Variants in XKR9 observed in about 807,000 individuals in gnomAD.
XKR9 encodes the protein XK related 9, also known as XK-related protein 9.
Under a neutral mutation model 32.0 loss-of-function variants are expected in XKR9, and 32 were observed. That is an observed-to-expected ratio of 1.00 (90% CI 0.76 to 1.34). XKR9 has a LOEUF of 1.34. Ranked by LOEUF, XKR9 falls within the 40% of genes most tolerant of loss-of-function variation. The pLI is 0.00. For synonymous variants in XKR9, 168 were observed against 143.4 expected (o/e 1.17, Z -1.22); for missense variants, 546 against 429.7 (o/e 1.27, Z -2.39).
chr8:71,030,024 G>A, the XKR9 span, among the ~76,000 whole-genome samples: 2 of 151,718 alleles, frequency 1.3e-5, no homozygotes, highest in Admixed American at 1.3e-4. Flanking sequence ...AGATGTCTTG[G>A]TAATGTATAA....
the XKR9 span, among the ~76,000 whole-genome samples, chr8:70,888,347 G>T: frequency 6.6e-6 from 1 of 151,310 alleles, no homozygotes; most frequent in Non-Finnish European, 1.5e-5. Context: ...TTATATTTTG[G>T]ATATGAATTC....
At chr8:70,857,966 C>G in the XKR9 span, among the ~76,000 whole-genome samples, 1 of 152,270 alleles carries the variant, frequency 6.6e-6, no homozygotes, top group Non-Finnish European at 1.5e-5. Flanking sequence ...GGACGCATCT[C>G]AAAATAACAA....
chr8:70,725,980 T>C (rs142931575), intron 4 of XKR9, among the ~76,000 whole-genome samples: 6 of 152,300 alleles, frequency 3.9e-5, no homozygotes, highest in African/African-American at 1.4e-4. Context: ...AAACTACAAA[T>C]GGATTTTACA....
At chr8:70,794,372 G>A (rs1052976038), downstream of XKR9, among the ~76,000 whole-genome samples, 1 of 151,946 alleles carries the variant, frequency 6.6e-6, no homozygotes, top group Non-Finnish European at 1.5e-5. Flanking sequence ...ACCTTGGCTA[G>A]GATTTCCAGT....
At chr8:70,792,660 G>T (rs751642860), downstream of XKR9, among the ~76,000 whole-genome samples, 1 of 152,122 alleles carries the variant, frequency 6.6e-6, no homozygotes, top group Non-Finnish European at 1.5e-5. Context: ...AAAGAGATGG[G>T]TGTGGGGGCA....
At chr8:71,044,810 T>C in the XKR9 span, among the ~76,000 whole-genome samples, 10 of 152,230 alleles carry the variant, frequency 6.6e-5, no homozygotes, top group Non-Finnish European at 1.2e-4. Context: ...TAGGCATGTA[T>C]GTAAATAACA....
intron 4 of XKR9, among the ~76,000 whole-genome samples, chr8:70,725,079 G>T (rs1365780284): frequency 1.3e-5 from 2 of 152,120 alleles, no homozygotes; most frequent in Non-Finnish European, 2.9e-5. Flanking sequence ...CAAAGTGAAG[G>T]CAGAGGCCCT....
At chr8:71,004,637 A>G in the XKR9 span, among the ~76,000 whole-genome samples, 1 of 152,212 alleles carries the variant, frequency 6.6e-6, no homozygotes, top group African/African-American at 2.4e-5. Context: ...GGCTATCTCT[A>G]AACGTGCCAT....
the XKR9 span, among the ~76,000 whole-genome samples, chr8:70,868,926 T>C: frequency 6.6e-6 from 1 of 152,142 alleles, no homozygotes; most frequent in Non-Finnish European, 1.5e-5. Flanking sequence ...CTAAATCACC[T>C]CTCTCAAGTT....
At chr8:70,947,891 G>GAA in the XKR9 span, among the ~76,000 whole-genome samples, 1 of 152,156 alleles carries the variant, frequency 6.6e-6, no homozygotes, top group Admixed American at 6.5e-5. Context: ...TAGTAGTTGG[G>GAA]AAAACATATT....
chr8:70,798,507 T>A, the XKR9 span, among the ~76,000 whole-genome samples: 1 of 152,218 alleles, frequency 6.6e-6, no homozygotes, highest in African/African-American at 2.4e-5. Flanking sequence ...AGGTTGTCCG[T>A]TTACTGTGTT....
the XKR9 span, among the ~76,000 whole-genome samples, chr8:70,861,672 A>C: frequency 6.6e-6 from 1 of 152,054 alleles, no homozygotes; most frequent in Non-Finnish European, 1.5e-5. Context: ...AATAAAAACA[A>C]AGTAAAATAA....
the XKR9 span, among the ~76,000 whole-genome samples, chr8:70,894,017 CTGT>C: frequency 6.6e-6 from 1 of 151,972 alleles, no homozygotes; most frequent in Non-Finnish European, 1.5e-5. Context: ...TTGGTTGTAG[CTGT>C]TATTATACCT....
intron 2 of XKR9, among the ~76,000 whole-genome samples, chr8:70,741,364 G>C (rs2130163245): frequency 6.6e-6 from 1 of 152,326 alleles, no homozygotes; most frequent in South Asian, 2.1e-4. Context: ...CTCATCAGAT[G>C]CTAGTGCTAT....
intron 2 of XKR9, among the ~76,000 whole-genome samples, chr8:70,757,289 TTTA>T (rs1273278902): frequency 1.3e-5 from 2 of 152,174 alleles, no homozygotes; most frequent in African/African-American, 2.4e-5. Context: ...TGAGGGTCTG[TTTA>T]TTTTTTCCTC....
chr8:70,696,491 G>A (rs1472881093), intron 3 of XKR9, among the ~76,000 whole-genome samples: 2 of 150,180 alleles, frequency 1.3e-5, no homozygotes, highest in African/African-American at 2.5e-5. Context: ...TCAGATAGTT[G>A]TAGATATGCG....
chr8:71,011,391 A>C, the XKR9 span, among the ~76,000 whole-genome samples: 1 of 152,108 alleles, frequency 6.6e-6, no homozygotes, highest in Non-Finnish European at 1.5e-5. Context: ...ATACTTTCAA[A>C]TTTTATTATT....
intron 2 of XKR9, among the ~76,000 whole-genome samples, chr8:70,744,939 A>G (rs921643772): frequency 4.0e-5 from 6 of 150,272 alleles, no homozygotes; most frequent in Admixed American, 1.3e-4. Flanking sequence ...TAGTTTTTTA[A>G]AAAGTCTAGC....
the XKR9 span, among the ~76,000 whole-genome samples, chr8:70,867,721 G>T: frequency 7.2e-5 from 11 of 151,788 alleles, no homozygotes; most frequent in Admixed American, 2.6e-4. Context: ...CAGAGTGCTG[G>T]GATTACAGGC....
Sources: allele counts gnomAD v4.1 joint callset (sites outside exome capture counted in the v4.1 genomes callset), GRCh38; gene constraint gnomAD v4.1.1; transcripts MANE v1.5; gene names NCBI Gene and HGNC (gene_info 2026-07-23, HGNC 2026-07-21).